Variants in LAMB1 observed in about 807,000 individuals in gnomAD.
LAMB1 encodes the protein laminin subunit beta-1.
Under a neutral mutation model 222.3 loss-of-function variants are expected in LAMB1, and 121 were observed. The observed-to-expected ratio is 0.54, with a 90% confidence interval of 0.47 to 0.63. The LOEUF is 0.63. Ranked by LOEUF, LAMB1 falls within the 30% of genes least tolerant of loss-of-function variation. The pLI, the probability that LAMB1 is intolerant of heterozygous loss-of-function variation, is 0.00. For missense variants in LAMB1, 2,172 were observed against 2,240.8 expected (o/e 0.97, Z 0.62); for synonymous variants, 794 against 807.2 (o/e 0.98, Z 0.28).
intron 18 of LAMB1, 108 bp downstream of exon 18, chr7:107,960,337 T>C: frequency 2.7e-6 from 2 of 727,760 alleles, no homozygotes; most frequent in Non-Finnish European, 4.7e-6. Flanking sequence ...CTATTTCCCT[T>C]GTGCTGCCTA....
Position 107,980,825 on chromosome 7 carries a change from C to G in LAMB1, c.677-14G>C. ...TTTTTAATAAATCTAGGAAGGTCAT[C>G]AAGAAGATGAAAAGTCTGATCAGAC... On this transcript the variant is annotated splice_polypyrimidine_tract_variant and intron_variant, in intron 7 of 33. Coordinates refer to ENST00000222399, the MANE Select transcript of LAMB1 (RefSeq NM_002291.3). 6.6e-7 allele frequency: 1 copy of G among 1,521,570 alleles called. No individual in the cohort carries two copies. The highest frequency in any genetic ancestry group is 9.1e-7 in the Non-Finnish European group (1 of 1,099,292). The allele number at this position is 1,521,570 out of a possible 1,614,324, so 94.3% of individuals were successfully genotyped here.
intron 13 of LAMB1, among the ~76,000 whole-genome samples, chr7:107,967,078 T>C (rs534036345): frequency 2.0e-5 from 3 of 152,318 alleles, no homozygotes; most frequent in Admixed American, 2.0e-4. Flanking sequence ...CAATGGGACA[T>C]TTCCATGGAC....
chr7:107,951,118 A>C (rs1212894380), intron 24 of LAMB1, 108 bp downstream of exon 24: 2 of 747,942 alleles, frequency 2.7e-6, no homozygotes, highest in East Asian at 5.3e-5. Flanking sequence ...ACAGGTTCTT[A>C]TAGACACGTT....
chr7:107,967,991 G>T (rs771603115), intron 13 of LAMB1, among the ~76,000 whole-genome samples: 81 of 152,120 alleles, frequency 5.3e-4, no homozygotes, highest in Non-Finnish European at 3.4e-4. Context: ...GGCAGAGAGA[G>T]GACAGGAATA....
intron 14 of LAMB1, among the ~76,000 whole-genome samples, chr7:107,963,324 A>T (rs763233395): frequency 4.6e-5 from 7 of 152,172 alleles, no homozygotes; most frequent in Admixed American, 2.6e-4. Context: ...ACCTTATTTG[A>T]TATGACCAGG....
Position 107,959,381 on chromosome 7 carries a change from C to G in LAMB1, c.2558G>C (p.Arg853Pro). The G allele has an allele frequency of 1.9e-6, 3 of 1,614,240 alleles. No homozygotes were observed. Among genetic ancestry groups the G allele is most frequent in the Non-Finnish European group, 2.5e-6 (3 of 1,180,040 alleles). The change falls in exon 20 of 34, where the codon CGG (arginine) becomes CCG (proline). Residue 853 changes from arginine (R) to proline (P), a missense_variant. Coordinates refer to ENST00000222399, the MANE Select transcript of LAMB1 (RefSeq NM_002291.3). ...FQGVYARQCD[R>P]CLPGHWGFPS... ...AAAGCCCCAGTGCCCAGGTAAGCAC[C>G]GATCACACTGCCGAGCATACACTCC...
At chr7:107,980,901 G>T (rs1436720027) in intron 7 of LAMB1, 90 bp from the exon 8 acceptor site, 1 of 730,994 alleles carries the variant, frequency 1.4e-6, no homozygotes, top group Non-Finnish European at 2.3e-6. Flanking sequence ...TTAGAGAAAG[G>T]CATGACACAT....
At chr7:108,001,528 A>G (rs2034382996) in intron 3 of LAMB1, 30 bp downstream of exon 3, 1 of 1,555,834 alleles carries the variant, frequency 6.4e-7, no homozygotes, top group Admixed American at 1.8e-5. Context: ...AGGCGCTAGC[A>G]GAGCCTCGAA....
chr7:107,990,449 G>A (rs146663208), intron 5 of LAMB1, among the ~76,000 whole-genome samples: 63 of 152,242 alleles, frequency 4.1e-4, no homozygotes, highest in Non-Finnish European at 7.6e-4. Flanking sequence ...TCTCTATGGC[G>A]AACTTGGGGG....
intron 24 of LAMB1, among the ~76,000 whole-genome samples, chr7:107,943,962 G>A (rs956120962): frequency 6.6e-6 from 1 of 152,198 alleles, no homozygotes; most frequent in Non-Finnish European, 1.5e-5. Flanking sequence ...AGGAAGAAGT[G>A]ATGCCATTTG....
rs2033830727 is a variant in LAMB1, at chr7:107,975,358, A to G, written c.1245T>C (p.Thr415=). ...SQNEGICDSY[T]DFSTGLIAGQ... ...CAGCAATGAGACCAGTAGAAAAATC[A>G]GTATAGCTGTCACAAATTCCCTCAT... The change falls in exon 11 of 34, where the codon ACT becomes ACC. Residue 415 remains threonine, a synonymous_variant. Coordinates refer to ENST00000222399, the MANE Select transcript of LAMB1 (RefSeq NM_002291.3). The G allele has an allele frequency of 6.2e-7, 1 of 1,613,900 alleles. No individual in the cohort carries two copies. The highest frequency in any genetic ancestry group is 8.5e-7 in the Non-Finnish European group (1 of 1,179,980).
Position 108,002,412 on chromosome 7 carries a change from T to A in LAMB1, c.37+437A>T, listed in dbSNP as rs1469290121. The A allele has an allele frequency of 1.8e-5, 24 of 1,313,462 alleles. No individual in the cohort carries two copies. In the East Asian group the frequency reaches 1.1e-3, roughly 63 times the overall value. The allele number at this position is 1,313,462 out of a possible 1,614,324, so 81.4% of individuals were successfully genotyped here. On this transcript the variant is annotated intron_variant, in intron 2 of 33. Coordinates refer to ENST00000222399, the MANE Select transcript of LAMB1 (RefSeq NM_002291.3). ...GGTGCCATCCGGAGACAAACAGAGA[T>A]GGTTAATTAAAGCCACATGGCCCCC... is the stretch of plus-strand genomic sequence containing the variant.
In LAMB1 at chr7:107,952,143, A is replaced by G. The variant is rs750325906; in HGVS notation, c.3160T>C (p.Cys1054Arg). ...DCQCDKATGQ[C>R]LCLPNVIGQN... ...CCGATCACATTAGGAAGACACAAGC[A>G]CTGACCAGTGGCTTTGTCGCACTGG... Residue 1054 changes from cysteine (C) to arginine (R), a missense_variant, in exon 23 of 34, where the codon TGC (cysteine) becomes CGC (arginine). Transcript: ENST00000222399. 1 of 1,614,020 alleles carries G rather than the reference A, an allele frequency of 6.2e-7. No homozygotes were observed. The highest frequency in any genetic ancestry group is 1.1e-5 in the South Asian group (1 of 91,028).
chr7:107,992,439 G>A (rs1461214678), intron 5 of LAMB1, among the ~76,000 whole-genome samples: 2 of 152,092 alleles, frequency 1.3e-5, no homozygotes, highest in East Asian at 3.9e-4. Context: ...CTTAAAGTAG[G>A]GTAGTTTCTT....
intron 24 of LAMB1, among the ~76,000 whole-genome samples, chr7:107,943,073 G>C (rs529468502): frequency 6.6e-6 from 1 of 152,066 alleles, no homozygotes. Flanking sequence ...GAATATTCTC[G>C]TAATGAATCA....
At chr7:107,988,874 C>G (rs1773947528) in intron 5 of LAMB1, among the ~76,000 whole-genome samples, 1 of 152,208 alleles carries the variant, frequency 6.6e-6, no homozygotes, top group South Asian at 2.1e-4. Context: ...GATTCCTAGC[C>G]TATGGAACTG....
intron 22 of LAMB1, among the ~76,000 whole-genome samples, chr7:107,952,562 A>G (rs1034706635): frequency 6.6e-6 from 1 of 152,242 alleles, no homozygotes; most frequent in Non-Finnish European, 1.5e-5. Flanking sequence ...GGGAATTGAG[A>G]TATCTAATAA....
chr7:107,926,094 A>G (rs906660839), intron 32 of LAMB1, 89 bp downstream of exon 32: 1 of 908,224 alleles, frequency 1.1e-6, no homozygotes, highest in Admixed American at 2.3e-5. Flanking sequence ...TGTTTCTGTT[A>G]GGTCCATGTC....
intron 24 of LAMB1, among the ~76,000 whole-genome samples, chr7:107,949,078 G>GTA: frequency 6.6e-6 from 1 of 152,142 alleles, no homozygotes; most frequent in South Asian, 2.1e-4. Flanking sequence ...CTTTCTTCTG[G>GTA]ATGAAAGGAA....
Sources: allele counts gnomAD v4.1 joint callset (sites outside exome capture counted in the v4.1 genomes callset), GRCh38; gene constraint gnomAD v4.1.1; transcripts MANE v1.5; gene names NCBI Gene and HGNC (gene_info 2026-07-23, HGNC 2026-07-21).